The following FOXN4 variants were observed in gnomAD, a reference collection of about 807,000 sequenced individuals.
The protein encoded by FOXN4 is forkhead box N4.
FOXN4 carries 12 observed loss-of-function variants against 45.0 expected under a neutral mutation model. That is an observed-to-expected ratio of 0.27 (90% CI 0.17 to 0.43). The LOEUF is 0.43. Among genes scored for constraint, FOXN4 ranks in the 20% least tolerant of loss-of-function variants. The probability of loss-of-function intolerance (pLI) is 1.00; values close to 1 mark genes in which losing one functional copy is unlikely to be tolerated. For synonymous variants in FOXN4, 297 were observed against 295.0 expected (o/e 1.01, Z -0.07); for missense variants, 560 against 694.9 (o/e 0.81, Z 2.18).
chr12:109,286,409 T>C (rs993561992), intron 7 of FOXN4, among the ~76,000 whole-genome samples: 2 of 152,222 alleles, frequency 1.3e-5, no homozygotes, highest in Non-Finnish European at 2.9e-5. Context: ...CTGGTGCCTC[T>C]ACCCTTTTCT....
At chr12:109,305,942 A>C (rs575654875) in intron 2 of FOXN4, among the ~76,000 whole-genome samples, 8 of 152,076 alleles carry the variant, frequency 5.3e-5, no homozygotes, top group African/African-American at 1.9e-4. Flanking sequence ...GGCCCCCAAG[A>C]AGTTCTCTGC....
At chr12:109,299,690 G>A (rs1417253682) in intron 2 of FOXN4, among the ~76,000 whole-genome samples, 1 of 152,242 alleles carries the variant, frequency 6.6e-6, no homozygotes, top group African/African-American at 2.4e-5. Flanking sequence ...AGCATTCAAG[G>A]TCTGAGACAG....
Position 109,285,527 on chromosome 12 carries a change from G to A in FOXN4, c.694-16C>T. Reference sequence around the variant, plus strand: ...CGGGGGCCGTCTATGAAGACACATGGGCATTCAGAGGCCTCCCTGTAAGCC... The same window carrying A: ...CGGGGGCCGTCTATGAAGACACATGAGCATTCAGAGGCCTCCCTGTAAGCC... On this transcript the variant is annotated splice_polypyrimidine_tract_variant and intron_variant, in intron 7 of 9. Transcript: ENST00000299162. 6.2e-7 allele frequency: 1 copy of A among 1,613,454 alleles called. No individual in the cohort carries two copies.
rs149720120 is a variant in FOXN4, at chr12:109,298,388, T to C, written c.87-8102A>G. Among the ~76,000 whole-genome samples, 526 of 151,020 alleles carry C rather than the reference T, an allele frequency of 3.5e-3. 5 individuals are homozygous for C. Among genetic ancestry groups the C allele is most frequent in the African/African-American group, 0.012 (494 of 41,074 alleles). On this transcript the variant is annotated intron_variant, in intron 2 of 9. Transcript: ENST00000299162. ...TTTTGTTTTGTTTTTGTTTTTAACA[T>C]GGAGTTTCGCTCTTCTCCAATGGAG...
chr12:109,278,963 A>T lies in FOXN4; in HGVS notation c.*708T>A, dbSNP rs1455753627. 1 of 152,108 alleles carries T rather than the reference A, an allele frequency of 6.6e-6. No individual in the cohort carries two copies. The highest frequency in any genetic ancestry group is 1.5e-5 in the Non-Finnish European group (1 of 68,124). The allele number at this position is 152,108 out of a possible 1,614,324, so 9.4% of individuals were successfully genotyped here. ...GGAGTCCCATTCCAGAGGCCTCGGG[A>T]TGGGTTTGCAGAAGTGGGGTGGATG... is the stretch of plus-strand genomic sequence containing the variant. On this transcript the variant is annotated 3_prime_UTR_variant, in exon 10 of 10. Transcript: ENST00000299162.
chr12:109,306,785 G>C (rs2047925135), intron 2 of FOXN4, among the ~76,000 whole-genome samples: 1 of 152,342 alleles, frequency 6.6e-6, no homozygotes, highest in Admixed American at 6.5e-5. Context: ...GGCTCAGAGA[G>C]CTCCACGTAG....
rs553585286 is a variant in FOXN4 at position 109,291,887 on chromosome 12, C to T, written c.87-1601G>A. 1.3e-5 allele frequency among the ~76,000 whole-genome samples: 2 copies of T among 152,268 alleles called. No homozygotes were observed. Among genetic ancestry groups the T allele is most frequent in the African/African-American group, 4.8e-5 (2 of 41,546 alleles). Reference sequence around the variant, plus strand: ...CCCTGTGGCACGTGGCCCCCATTGTCCCAGGGTCTCAGTGCAATTGTTTCT... The same window carrying T: ...CCCTGTGGCACGTGGCCCCCATTGTTCCAGGGTCTCAGTGCAATTGTTTCT... On this transcript the variant is annotated intron_variant, in intron 2 of 9. Coordinates refer to ENST00000299162, the MANE Select transcript of FOXN4 (RefSeq NM_213596.3). The surrounding 1 kb of genome is among the most constrained non-coding windows in gnomAD (Gnocchi z 6.6).
At chr12:109,285,274 T>TGTGTGTGC (rs71443850) in intron 8 of FOXN4, 30 bp downstream of exon 8, 869 of 1,538,410 alleles carry the variant, frequency 5.6e-4, no homozygotes, top group Middle Eastern at 2.3e-3. Flanking sequence ...TGTGTGTGTG[T>TGTGTGTGC]GCGCGCACTG....
At chr12:109,284,423 C>T (rs906052570) in intron 8 of FOXN4, among the ~76,000 whole-genome samples, 7 of 151,468 alleles carry the variant, frequency 4.6e-5, no homozygotes, top group Admixed American at 1.3e-4. Context: ...GGAGGAGGGG[C>T]GCGTGGTGTG....
At position 109,281,752 on chromosome 12, in the gene FOXN4, G is replaced by C. The variant is rs751246044; in HGVS notation, c.949C>G (p.Pro317Ala). Residue 317 changes from proline (P) to alanine (A), a missense_variant, in exon 9 of 10, where the codon CCC (proline) becomes GCC (alanine). Coordinates refer to ENST00000299162, the MANE Select transcript of FOXN4 (RefSeq NM_213596.3). ...GCCTCTGGTTCCCCCGGTTTGCCGG[G>C]GCGCCGGCAGCTTTCAGGCCGGTCG... ...ISDRPESCRR[P>A]GKPGEPEAPV... The C allele has an allele frequency of 3.7e-5, 60 of 1,604,210 alleles. No individual in the cohort carries two copies. The highest frequency in any genetic ancestry group is 4.8e-5 in the Non-Finnish European group (56 of 1,175,816).
chr12:109,308,250 A>T lies in FOXN4; in HGVS notation c.72T>A (p.Ser24=). The T allele has an allele frequency of 6.4e-7, 1 of 1,551,362 alleles. No individual in the cohort carries two copies. The highest frequency in any genetic ancestry group is 8.7e-7 in the Non-Finnish European group (1 of 1,146,434). ...IRNSGQNHHP[S]PQEYRLLATT... is the part of the protein sequence containing the mutation. ...GGAGCCCTCACCTGTATTCCTGTGGAGAGGGGTGGTGATTTTGCCCTGAGT... is the reference window on the plus strand; with the variant it reads ...GGAGCCCTCACCTGTATTCCTGTGGTGAGGGGTGGTGATTTTGCCCTGAGT... Residue 24 remains serine (S), a synonymous_variant, in exon 2 of 10, where the codon TCT becomes TCA. Transcript: ENST00000299162.
Position 109,279,725 on chromosome 12 carries a change from G to A in FOXN4, c.1500C>T (p.Ser500=), listed in dbSNP as rs563824540. The A allele has an allele frequency of 2.5e-6, 4 of 1,576,812 alleles. No homozygotes were observed. In the African/African-American group the frequency reaches 4.0e-5, roughly 16 times the overall value. Reference sequence around the variant, plus strand: ...GTGCACCCAGGTACTGGGAGGAGGAGCTGGTGCCCGATGCAGCCACACTGT... The same window carrying A: ...GTGCACCCAGGTACTGGGAGGAGGAACTGGTGCCCGATGCAGCCACACTGT... The part of the protein sequence containing the change: ...TPDSVAASGT[S]SSSQYLGAQG... The change falls in exon 10 of 10, where the codon AGC becomes AGT. Residue 500 remains serine (S), a synonymous_variant. Coordinates refer to ENST00000299162, the MANE Select transcript of FOXN4 (RefSeq NM_213596.3).
intron 2 of FOXN4, among the ~76,000 whole-genome samples, chr12:109,303,134 C>G (rs2047882874): frequency 6.6e-6 from 1 of 152,100 alleles, no homozygotes; most frequent in Non-Finnish European, 1.5e-5. Context: ...AGTGCATGCA[C>G]ACATGTGTTT....
chr12:109,298,344 G>GC lies in FOXN4; in HGVS notation c.87-8059_87-8058insG, dbSNP rs796347269. Among the ~76,000 whole-genome samples, 130 of 131,858 alleles carry GC rather than the reference G, an allele frequency of 9.9e-4. 2 individuals are homozygous for GC. The highest frequency in any genetic ancestry group is 3.4e-3 in the African/African-American group (122 of 35,900). 86.5% of individuals were successfully genotyped at this position (131,858 alleles called of 152,430 possible). On this transcript the variant is annotated intron_variant, in intron 2 of 9. Transcript: ENST00000299162. The stretch of plus-strand genomic sequence containing the variant: ...CTTTTGTTTCAGGTTTTTTTTTTTT[G>GC]TTTTTTTTTTTTGCTTTGTTTTGTT...
rs766557608 is a variant in FOXN4, at chr12:109,287,497, G to T, written c.496C>A (p.Pro166Thr). ...QCPPVGLYGP[P>T]FGVRPPYPQP... ...GGGTAGGGGGGCCGCACCCCAAATGGGGGGCCATAGAGGCCCACAGGAGGG... is the reference window on the plus strand; with the variant it reads ...GGGTAGGGGGGCCGCACCCCAAATGTGGGGCCATAGAGGCCCACAGGAGGG... The change falls in exon 6 of 10, where the codon CCA becomes ACA. Residue 166 changes from proline (P) to threonine (T), a missense_variant. This residue lies in a region of FOXN4 where 61 missense variants were observed against 59.8 expected (regional missense o/e 1.02). Coordinates refer to ENST00000299162, the MANE Select transcript of FOXN4 (RefSeq NM_213596.3). This position sits in a 1 kb window ranked among gnomAD's most constrained non-coding sequence, Gnocchi z 4.1. 1.3e-6 allele frequency: 2 copies of T among 1,546,894 alleles called. No individual in the cohort carries two copies. The highest frequency in any genetic ancestry group is 2.4e-5 in the South Asian group (2 of 83,170).
At chr12:109,285,269 G>GTGTC in intron 8 of FOXN4, 35 bp downstream of exon 8, 1 of 1,555,520 alleles carries the variant, frequency 6.4e-7, no homozygotes, top group Non-Finnish European at 8.7e-7. Context: ...GTGTGTGTGT[G>GTGTC]TGTGTGCGCG....
chr12:109,285,162 TTG>T, intron 8 of FOXN4, 140 bp downstream of exon 8: 3 of 939,846 alleles, frequency 3.2e-6, no homozygotes, highest in Non-Finnish European at 4.8e-6. Flanking sequence ...GTGCGCATAT[TTG>T]TGTGTGTGCG....
At chr12:109,294,251 C>G (rs76837814) in intron 2 of FOXN4, among the ~76,000 whole-genome samples, 1 of 152,194 alleles carries the variant, frequency 6.6e-6, no homozygotes. Flanking sequence ...ACAGGGGACA[C>G]GGCCAAAGCT....
At position 109,280,955 on chromosome 12, in the gene FOXN4, C is replaced by T. The variant is rs528331232; in HGVS notation, c.1294+452G>A. ...TTGGGGTCAGACCGAGGTTTAACTC[C>T]GGACTCTGCCACTTACTAGCCAGGT... On this transcript the variant is annotated intron_variant, in intron 9 of 9. Transcript: ENST00000299162. Among the ~76,000 whole-genome samples, 6 of 152,294 alleles carry T rather than the reference C, an allele frequency of 3.9e-5. 1 individual carries two copies. Among genetic ancestry groups the T allele is most frequent in the African/African-American group, 1.2e-4 (5 of 41,562 alleles).
Sources: allele counts gnomAD v4.1 joint callset (sites outside exome capture counted in the v4.1 genomes callset), GRCh38; gene constraint gnomAD v4.1.1; regional missense constraint gnomAD v4.1.1; non-coding constraint Gnocchi (gnomAD v3.1); transcripts MANE v1.5; gene names NCBI Gene and HGNC (gene_info 2026-07-23, HGNC 2026-07-21).